Variants in SYT14 observed in about 807,000 individuals in gnomAD.
The protein encoded by SYT14 is synaptotagmin 14.
A neutral mutation model predicts 74.2 loss-of-function variants in SYT14; 32 were observed. The observed-to-expected ratio is 0.43, with a 90% CI of 0.33 to 0.58. The LOEUF (loss-of-function observed/expected upper bound fraction) is 0.58. Among genes scored for constraint, SYT14 ranks in the 20% least tolerant of loss-of-function variants. The pLI is 0.05. For synonymous variants in SYT14, 298 were observed against 337.7 expected, an observed-to-expected ratio of 0.88 and a Z score of 1.29; for missense variants, 791 against 981.8, an observed-to-expected ratio of 0.81 and a Z score of 2.60.
chr1:210,133,889 G>GGACC (rs1190485310), intron 7 of SYT14, among the ~76,000 whole-genome samples: 1 of 145,486 alleles, frequency 6.9e-6, no homozygotes, highest in Non-Finnish European at 1.5e-5. Flanking sequence ...GTGTGGGGAT[G>GGACC]GACCACTCAG....
At chr1:209,972,091 G>A (rs1302711066) in intron 2 of SYT14, among the ~76,000 whole-genome samples, 2 of 152,042 alleles carry the variant, frequency 1.3e-5, no homozygotes, top group Non-Finnish European at 2.9e-5. Context: ...CAAGGTTTCA[G>A]TTTCTTCTTG....
intron 2 of SYT14, among the ~76,000 whole-genome samples, chr1:209,957,131 G>A (rs993551071): frequency 3.9e-5 from 6 of 152,028 alleles, no homozygotes; most frequent in Non-Finnish European, 8.8e-5. Flanking sequence ...CTTCCCTGTA[G>A]GCTGTGCTGT....
At chr1:210,080,245 C>T (rs532288221) in intron 5 of SYT14, among the ~76,000 whole-genome samples, 25 of 152,192 alleles carry the variant, frequency 1.6e-4, no homozygotes, top group African/African-American at 5.3e-4. Context: ...ATTGTTTAGG[C>T]AATTTTGTGA....
chr1:209,968,278 A>G (rs1292799763), intron 2 of SYT14, among the ~76,000 whole-genome samples: 1 of 152,098 alleles, frequency 6.6e-6, no homozygotes, highest in Non-Finnish European at 1.5e-5. Flanking sequence ...TCATAGTTTT[A>G]CATTAGGGGT....
At chr1:210,157,843 G>A (rs1023047427) in intron 8 of SYT14, among the ~76,000 whole-genome samples, 16 of 152,072 alleles carry the variant, frequency 1.1e-4, no homozygotes, top group South Asian at 4.2e-4. Flanking sequence ...TCTAGTTGTC[G>A]TAAAAATTAT....
rs1384460344 is a variant in SYT14, at chr1:210,113,042, C to A, written c.2034+12581C>A. Among the ~76,000 whole-genome samples, 3 of 151,298 alleles carry A rather than the reference C, an allele frequency of 2.0e-5. 1 individual carries two copies. Among genetic ancestry groups the A allele is most frequent in the African/African-American group, 7.4e-5 (3 of 40,614 alleles). ...TTGAGGGCCTCTAAAAGTATTAAAG[C>A]AGCGGCAGCCGCCGCACGCAGACAT... On this transcript the variant is annotated intron_variant, in intron 7 of 9. Transcript: ENST00000637265.
chr1:209,997,201 T>C (rs1262635413), intron 2 of SYT14, among the ~76,000 whole-genome samples: 1 of 152,056 alleles, frequency 6.6e-6, no homozygotes, highest in Non-Finnish European at 1.5e-5. Context: ...GCTGACGATA[T>C]GATTCTACAC....
At chr1:210,117,939 T>C (rs773284125) in intron 7 of SYT14, among the ~76,000 whole-genome samples, 1 of 152,212 alleles carries the variant, frequency 6.6e-6, no homozygotes, top group Non-Finnish European at 1.5e-5. Context: ...TGTTGAGCCA[T>C]CCAAATGCTA....
At chr1:209,969,946 T>C (rs2079220808) in intron 2 of SYT14, among the ~76,000 whole-genome samples, 1 of 152,208 alleles carries the variant, frequency 6.6e-6, no homozygotes, top group Non-Finnish European at 1.5e-5. Context: ...TCTTATAGAT[T>C]CTGGATGTTA....
intron 5 of SYT14, among the ~76,000 whole-genome samples, chr1:210,085,399 T>G (rs1448737123): frequency 2.6e-5 from 4 of 152,204 alleles, no homozygotes; most frequent in Non-Finnish European, 5.9e-5. Context: ...CTAGGACCTT[T>G]AATACATTGT....
chr1:210,132,586 T>C (rs1572355738), intron 7 of SYT14, among the ~76,000 whole-genome samples: 1 of 151,864 alleles, frequency 6.6e-6, no homozygotes, highest in Non-Finnish European at 1.5e-5. Context: ...TGTGTGTGTG[T>C]GTGTGTGTGT....
intron 5 of SYT14, among the ~76,000 whole-genome samples, chr1:210,048,575 G>A (rs554974156): frequency 5.8e-4 from 89 of 152,236 alleles, no homozygotes; most frequent in African/African-American, 1.9e-3. Flanking sequence ...ACCTCCCATC[G>A]AGTGCCTCCC....
At chr1:210,017,086 A>G in exon 4 of SYT14, 2 of 1,231,718 alleles carry the variant, frequency 1.6e-6, no homozygotes, top group Non-Finnish European at 2.0e-6. Flanking sequence ...ATTCTAAGAT[A>G]ATACCAGAAA....
intron 4 of SYT14, among the ~76,000 whole-genome samples, chr1:210,018,133 AGTTTTTT>A (rs757267264): frequency 4.1e-4 from 62 of 152,232 alleles, no homozygotes; most frequent in African/African-American, 1.4e-3. Context: ...TTTTTCTAGC[AGTTTTTT>A]GTTTTTTGTT....
At chr1:210,149,197 T>A (rs1269951594) in intron 7 of SYT14, among the ~76,000 whole-genome samples, 1 of 148,380 alleles carries the variant, frequency 6.7e-6, no homozygotes, top group Non-Finnish European at 1.5e-5. Flanking sequence ...TTTTTTTTTT[T>A]TTTTTGAGAT....
intron 2 of SYT14, among the ~76,000 whole-genome samples, chr1:209,977,139 ATTGGTCTTGACTG>A (rs1401053453): frequency 1.3e-5 from 2 of 152,150 alleles, no homozygotes; most frequent in Non-Finnish European, 2.9e-5. Flanking sequence ...CAGCACACTG[ATTGGTCTTGACTG>A]TTTGTCCAAT....
At chr1:210,073,177 A>G (rs2081426834) in intron 5 of SYT14, among the ~76,000 whole-genome samples, 1 of 151,998 alleles carries the variant, frequency 6.6e-6, no homozygotes, top group Non-Finnish European at 1.5e-5. Flanking sequence ...AAAATAATAA[A>G]TTTCAATGGT....
chr1:210,084,312 C>T (rs2081676018), intron 5 of SYT14, among the ~76,000 whole-genome samples: 3 of 152,290 alleles, frequency 2.0e-5, no homozygotes, highest in Admixed American at 2.0e-4. Context: ...CTTTTTGTCT[C>T]CTTGTTAGGA....
At chr1:210,056,554 G>A (rs1045658120) in intron 5 of SYT14, among the ~76,000 whole-genome samples, 1 of 151,120 alleles carries the variant, frequency 6.6e-6, no homozygotes, top group African/African-American at 2.4e-5. Context: ...AGTGGCTCAT[G>A]CCTGTAATCC....
Sources: allele counts gnomAD v4.1 joint callset (sites outside exome capture counted in the v4.1 genomes callset), GRCh38; gene constraint gnomAD v4.1.1; transcripts MANE v1.5; gene names NCBI Gene and HGNC (gene_info 2026-07-23, HGNC 2026-07-21).